MUC5B: variants seen among roughly 807,000 people sequenced by gnomAD.
MUC5B encodes mucin 5B, oligomeric mucus/gel-forming, also known as mucin-5B.
A neutral mutation model predicts 376.9 loss-of-function variants in MUC5B; 116 were observed. The observed-to-expected ratio is 0.31, with a 90% confidence interval of 0.26 to 0.36. MUC5B has a LOEUF of 0.36. Ranked by LOEUF, MUC5B falls within the 10% of genes least tolerant of loss-of-function variation. MUC5B has a pLI of 1.00. For synonymous variants in MUC5B, 3,517 were observed against 3,390.9 expected (o/e 1.04, Z -1.29); for missense variants, 7,165 against 7,769.9 (o/e 0.92, Z 2.93).
intron 9 of MUC5B, among the ~76,000 whole-genome samples, 176 bp from the exon 10 acceptor site, chr11:1,229,513 GA>G (rs2133808749): frequency 6.6e-6 from 1 of 152,262 alleles, no homozygotes; most frequent in Admixed American, 6.5e-5. Context: ...GCATGGTGGG[GA>G]AACTGAGGCC....
In MUC5B at chr11:1,253,745, T is replaced by C. The variant is rs1289044869; in HGVS notation, c.15218-347T>C. On this transcript the variant is annotated intron_variant, in intron 33 of 48. Transcript: ENST00000529681. The surrounding 1 kb of genome is among the most constrained non-coding windows in gnomAD (Gnocchi z 4.3). ...GCCTCTGCCTCTCTGTGGCCTCCCCTCTCTGTGTCTGTGTCTCTTCTGTCT... is the reference window on the plus strand; with the variant it reads ...GCCTCTGCCTCTCTGTGGCCTCCCCCCTCTGTGTCTGTGTCTCTTCTGTCT... Among the ~76,000 whole-genome samples, 2 of 152,136 alleles carry C rather than the reference T, an allele frequency of 1.3e-5. No homozygotes were observed. Among genetic ancestry groups the C allele is most frequent in the African/African-American group, 4.8e-5 (2 of 41,430 alleles).
At chr11:1,236,839 C>A in intron 24 of MUC5B, 86 bp from the exon 25 acceptor site, 1 of 1,382,528 alleles carries the variant, frequency 7.2e-7, no homozygotes, top group Admixed American at 3.2e-5. Flanking sequence ...CCCGAGGGCT[C>A]TGGAGCCCAG....
At chr11:1,231,764 G>C (rs187615098) in intron 14 of MUC5B, among the ~76,000 whole-genome samples, 1 of 152,214 alleles carries the variant, frequency 6.6e-6, no homozygotes, top group Non-Finnish European at 1.5e-5. Context: ...AGGATGGAGC[G>C]GGCAGCCCTG....
chr11:1,225,014 G>A (rs1380711322), intron 1 of MUC5B, among the ~76,000 whole-genome samples: 1 of 152,210 alleles, frequency 6.6e-6, no homozygotes, highest in Admixed American at 6.5e-5. Context: ...CCTCCTCCCA[G>A]CCTCCATGGG....
In MUC5B at chr11:1,247,763, G is replaced by C. The variant is rs752575910; in HGVS notation, c.10883G>C (p.Arg3628Pro). ...RAQAQPGVPL[R>P]ELGQVVECSL... ...CAGGCCCAGCCTGGTGTCCCCCTGC[G>C]GGAGTTGGGCCAGGTCGTGGAATGC... Residue 3628 changes from arginine to proline, a missense_variant, in exon 31 of 49, where the codon CGG (arginine) becomes CCG (proline). By Grantham distance (103) the Arg-to-Pro change is moderately radical (BLOSUM62 -2). Transcript: ENST00000529681. 18 of 1,607,320 alleles carry C rather than the reference G, an allele frequency of 1.1e-5. No individual in the cohort carries two copies. Among genetic ancestry groups the C allele is most frequent in the Non-Finnish European group, 1.7e-6 (2 of 1,177,864 alleles).
chr11:1,231,109 C>T (rs2133810899), intron 13 of MUC5B, 104 bp downstream of exon 13: 1 of 1,183,954 alleles, frequency 8.4e-7, no homozygotes, highest in East Asian at 2.6e-5. Flanking sequence ...TTCTCCGTGG[C>T]CTCGGGCAGC....
Position 1,240,036 on chromosome 11 carries a change from C to G in MUC5B, c.3729-9C>G. On this transcript the variant is annotated splice_polypyrimidine_tract_variant and intron_variant, in intron 28 of 48. Coordinates refer to ENST00000529681, the MANE Select transcript of MUC5B (RefSeq NM_002458.3). ...CCAGGCCCTCAGCTCGCCTCTCCCC[C>G]ACCCCTAGTAACTGCACACCCAGTG... 6 of 1,584,638 alleles carry G rather than the reference C, an allele frequency of 3.8e-6. No homozygotes were observed. The highest frequency in any genetic ancestry group is 1.3e-5 in the African/African-American group (1 of 74,366).
rs747049097 is a variant in MUC5B, at chr11:1,251,523, C to T, written c.14643C>T (p.Thr4881=). 1.1e-5 allele frequency: 17 copies of T among 1,613,044 alleles called. No individual in the cohort carries two copies. The highest frequency in any genetic ancestry group is 3.3e-5 in the South Asian group (3 of 91,072). Reference sequence around the variant, plus strand: ...CAGCTCACACCCCCAAAGTGGTGACCACCATGGCCACTATGCCCACAGCCA... The same window carrying T: ...CAGCTCACACCCCCAAAGTGGTGACTACCATGGCCACTATGCCCACAGCCA... ...LGTAHTPKVV[T]TMATMPTATA... is the part of the protein sequence containing the mutation. The change falls in exon 31 of 49, where the codon ACC becomes ACT. Residue 4881 remains threonine, a synonymous_variant. Transcript: ENST00000529681.
Position 1,245,344 on chromosome 11 carries a change from C to A in MUC5B, c.8464C>A (p.Pro2822Thr), listed in dbSNP as rs1156363838. Residue 2822 changes from proline (P) to threonine (T), a missense_variant, in exon 31 of 49, where the codon CCC (proline) becomes ACC (threonine). Pro to Thr is a conservative substitution (Grantham distance 38). Transcript: ENST00000529681. ...CCCTAGCAGCAGGACCACCGAGTCA[C>A]CCCCTTCTCCAGGGACGACCACCCC... ...PHPSSRTTES[P>T]PSPGTTTPGH... 8.1e-6 allele frequency: 13 copies of A among 1,595,400 alleles called. No homozygotes were observed. In the East Asian group the frequency reaches 1.8e-4, roughly 22 times the overall value.
In MUC5B at chr11:1,260,334, T is replaced by C. The variant is rs1862966457; in HGVS notation, c.16924-17T>C. On this transcript the variant is annotated splice_polypyrimidine_tract_variant and intron_variant, in intron 46 of 48. Coordinates refer to ENST00000529681, the MANE Select transcript of MUC5B (RefSeq NM_002458.3). Reference sequence around the variant, plus strand: ...GCCCCGCCCACAGCCCTGCCCCCTGTCTTTGGCCCCCACCAGGGGAGCCTC... The same window carrying C: ...GCCCCGCCCACAGCCCTGCCCCCTGCCTTTGGCCCCCACCAGGGGAGCCTC... 1 of 1,611,760 alleles carries C rather than the reference T, an allele frequency of 6.2e-7. No homozygotes were observed. Among genetic ancestry groups the C allele is most frequent in the Non-Finnish European group, 8.5e-7 (1 of 1,179,398 alleles).
rs769947710 is a variant in MUC5B at position 1,260,034 on chromosome 11, C to T, written c.16872C>T (p.Val5624=). ...TVYLCEAEGG[V]HLLTPQPASC... is the part of the protein sequence containing the mutation. ...ACCTCTGTGAGGCTGAGGGTGGAGT[C>T]CATTTGCTGACCCCACAGCCTGCAT... The change falls in exon 46 of 49, where the codon GTC becomes GTT. Residue 5624 remains valine (V), a synonymous_variant. Coordinates refer to ENST00000529681, the MANE Select transcript of MUC5B (RefSeq NM_002458.3). 1 of 1,612,788 alleles carries T rather than the reference C, an allele frequency of 6.2e-7. No individual in the cohort carries two copies. Among genetic ancestry groups the T allele is most frequent in the South Asian group, 1.1e-5 (1 of 91,088 alleles).
intron 17 of MUC5B, 69 bp from the exon 18 acceptor site, chr11:1,232,944 G>C: frequency 6.7e-7 from 1 of 1,483,710 alleles, no homozygotes; most frequent in Non-Finnish European, 8.9e-7. Flanking sequence ...CGGGGATGCT[G>C]AGTTGAAGAT....
rs1862741181 is a variant in MUC5B at position 1,252,858 on chromosome 11, G to A, written c.15095G>A (p.Gly5032Asp). The part of the protein sequence containing the change: ...LENCTVARCV[G>D]DNRVVLLDPK... ...AACTGCACGGTGGCCAGGTGCGTGGGTGACAACCGTGTCGTCCTGCTGGAC... is the reference window on the plus strand; with the variant it reads ...AACTGCACGGTGGCCAGGTGCGTGGATGACAACCGTGTCGTCCTGCTGGAC... Residue 5032 changes from glycine (G) to aspartate (D), a missense_variant, in exon 33 of 49, where the codon GGT (glycine) becomes GAT (aspartate). By Grantham distance (94) the Gly-to-Asp change is moderately conservative (BLOSUM62 -1). Transcript: ENST00000529681. 1 of 1,612,368 alleles carries A rather than the reference G, an allele frequency of 6.2e-7. No individual in the cohort carries two copies. Among genetic ancestry groups the A allele is most frequent in the Non-Finnish European group, 8.5e-7 (1 of 1,179,738 alleles).
intron 26 of MUC5B, 37 bp from the exon 27 acceptor site, chr11:1,239,401 G>A (rs1275741445): frequency 6.3e-7 from 1 of 1,584,054 alleles, no homozygotes; most frequent in South Asian, 1.1e-5. Context: ...GTGAGGGCTG[G>A]TGGGCGCCTC....
At chr11:1,239,686 G>GAGGGC in intron 27 of MUC5B, 113 bp from the exon 28 acceptor site, 1 of 1,493,536 alleles carries the variant, frequency 6.7e-7, no homozygotes, top group Non-Finnish European at 8.9e-7. Flanking sequence ...TGCAAGCCTT[G>GAGGGC]AGGGCAGGCC....
In MUC5B at chr11:1,250,607, G is replaced by A; in HGVS notation, c.13727G>A (p.Gly4576Asp). The A allele has an allele frequency of 2.5e-6, 4 of 1,613,304 alleles. No homozygotes were observed. The highest frequency in any genetic ancestry group is 3.4e-6 in the Non-Finnish European group (4 of 1,179,782). Residue 4576 changes from glycine (G) to aspartate (D), a missense_variant, in exon 31 of 49, where the codon GGC becomes GAC. Gly to Asp is a moderately conservative substitution (Grantham distance 94, BLOSUM62 -1). Coordinates refer to ENST00000529681, the MANE Select transcript of MUC5B (RefSeq NM_002458.3). Reference protein sequence around the residue: ...TATATTTGATGSVATPSSTPG... With the variant: ...TATATTTGATDSVATPSSTPG... ...ACGGCCACCACAACCGGGGCCACCG[G>A]CTCTGTGGCCACCCCCTCCTCCACC...
In MUC5B at chr11:1,250,029, C is replaced by T. The variant is rs1447357705; in HGVS notation, c.13149C>T (p.Ser4383=). Reference sequence around the variant, plus strand: ...CCACCAGTTCCACGTCCACCCCCTCCTCCACTCCGGGGACGACCTGGATCC... The same window carrying T: ...CCACCAGTTCCACGTCCACCCCCTCTTCCACTCCGGGGACGACCTGGATCC... ...TRATSSTSTP[S]STPGTTWILT... is the part of the protein sequence containing the mutation. The change falls in exon 31 of 49, where the codon TCC becomes TCT. Residue 4383 remains serine (S), a synonymous_variant. Transcript: ENST00000529681. 1.9e-6 allele frequency: 3 copies of T among 1,613,218 alleles called. No homozygotes were observed. The highest frequency in any genetic ancestry group is 1.3e-5 in the African/African-American group (1 of 74,942).
At position 1,259,066 on chromosome 11, in the gene MUC5B, GA is replaced by G. The variant is rs1448611791; in HGVS notation, c.16713+6del. The G allele has an allele frequency of 2.6e-6, 4 of 1,546,322 alleles. No homozygotes were observed. Among genetic ancestry groups the G allele is most frequent in the East Asian group, 4.9e-5 (2 of 40,856 alleles). On this transcript the variant is annotated splice_donor_region_variant and intron_variant, in intron 44 of 48. Transcript: ENST00000529681. ...AACAATACTACCTGTCCCCAGGTGAGACCCGAGGCACCTGCCCCCAGGTGAG... is the reference window on the plus strand; with the variant it reads ...AACAATACTACCTGTCCCCAGGTGAGCCCGAGGCACCTGCCCCCAGGTGAG...
In MUC5B at chr11:1,245,890, G is replaced by A. The variant is rs116870693; in HGVS notation, c.9010G>A (p.Ala3004Thr). The change falls in exon 31 of 49, where the codon GCA becomes ACA. Residue 3004 changes from alanine (A) to threonine (T), a missense_variant. Physicochemically the swap from Ala to Thr is moderately conservative, Grantham distance 58 (BLOSUM62 0). Around this residue, in one of 31 missense-constraint regions of MUC5B, gnomAD observed 939 missense variants for 770.6 expected, o/e 1.22. Coordinates refer to ENST00000529681, the MANE Select transcript of MUC5B (RefSeq NM_002458.3). Reference sequence around the variant, plus strand: ...GCAGACCACAGCAGCCACTACGACCGCAACCACTGGATCCACGGCCATCCC... The same window carrying A: ...GCAGACCACAGCAGCCACTACGACCACAACCACTGGATCCACGGCCATCCC... The part of the protein sequence containing the change: ...TEQTTAATTT[A>T]TTGSTAIPSS... 47,268 of 1,612,868 alleles carry A rather than the reference G, an allele frequency of 0.029. 287 individuals carry two copies. The highest frequency in any genetic ancestry group is 0.032 in the Non-Finnish European group (38,008 of 1,179,688).
Sources: allele counts gnomAD v4.1 joint callset (sites outside exome capture counted in the v4.1 genomes callset), GRCh38; gene constraint gnomAD v4.1.1; regional missense constraint gnomAD v4.1.1; non-coding constraint Gnocchi (gnomAD v3.1); transcripts MANE v1.5; gene names NCBI Gene and HGNC (gene_info 2026-07-23, HGNC 2026-07-21).